MAMLD1: variants seen among roughly 807,000 people sequenced by gnomAD.
MAMLD1 encodes mastermind like domain containing 1.
Under a neutral mutation model 45.0 loss-of-function variants are expected in MAMLD1, and 14 were observed. The ratio of observed to expected loss-of-function variants is 0.31; its 90% CI spans 0.21 to 0.49. The LOEUF is 0.49. MAMLD1 is among the 20% of genes least tolerant of loss of function. The pLI is 0.99. For synonymous variants in MAMLD1, 254 were observed against 247.8 expected, an observed-to-expected ratio of 1.02 and a Z score of -0.24; for missense variants, 543 against 603.6, an observed-to-expected ratio of 0.90 and a Z score of 1.05.
At chrX:150,494,946 C>G (rs989398262) in intron 5 of MAMLD1, among the ~76,000 whole-genome samples, 1 of 110,848 alleles carries the variant, frequency 9.0e-6, no homozygotes, top group Non-Finnish European at 1.9e-5. Flanking sequence ...TGGCTCACAC[C>G]TGTAATCCCA....
chrX:150,398,243 GAGGAGA>G (rs1569564541), intron 1 of MAMLD1, among the ~76,000 whole-genome samples: 2 of 78,471 alleles, frequency 2.5e-5, no homozygotes, highest in Admixed American at 1.5e-4. Flanking sequence ...GAAGGAGAAG[GAGGAGA>G]AGGAGAAGAA....
At chrX:150,450,805 G>A (rs1201214156) in intron 2 of MAMLD1, among the ~76,000 whole-genome samples, 1 of 112,287 alleles carries the variant, frequency 8.9e-6, no homozygotes, top group Non-Finnish European at 1.9e-5. Context: ...CTACACTGAG[G>A]AGACCTGAAT....
At chrX:150,503,647 T>C (rs1276626566) in intron 6 of MAMLD1, 130 bp downstream of exon 6, 5 of 501,617 alleles carry the variant, frequency 1.0e-5, no homozygotes, top group African/African-American at 4.6e-5. Context: ...AAGGTAAAGC[T>C]CTGTCCACCC....
intron 1 of MAMLD1, among the ~76,000 whole-genome samples, chrX:150,430,427 A>G (rs782123990): frequency 8.3e-5 from 9 of 108,979 alleles, no homozygotes; most frequent in Non-Finnish European, 1.5e-4. Flanking sequence ...CATTCTATTC[A>G]CAGGGTCTTT....
intron 1 of MAMLD1, 76 bp from the exon 2 acceptor site, chrX:150,445,378 G>A (rs891682476): frequency 2.2e-5 from 11 of 509,986 alleles, no homozygotes; most frequent in Non-Finnish European, 3.9e-5. Flanking sequence ...TGTCTTCAGA[G>A]TGAAAGTCTG....
chrX:150,511,293 G>T (rs909002174), intron 7 of MAMLD1, among the ~76,000 whole-genome samples: 16 of 111,531 alleles, frequency 1.4e-4, no homozygotes, highest in African/African-American at 5.2e-4. Flanking sequence ...AGGCACCTGG[G>T]ACTCTACCTT....
chrX:150,486,616 C>T (rs35516566), intron 5 of MAMLD1, among the ~76,000 whole-genome samples: 1 of 111,418 alleles, frequency 9.0e-6, no homozygotes, highest in African/African-American at 3.3e-5. Context: ...GCATACACCT[C>T]CCAAAATGCC....
chrX:150,506,931 C>T (rs781930980), intron 6 of MAMLD1, among the ~76,000 whole-genome samples: 18 of 112,560 alleles, frequency 1.6e-4, no homozygotes, highest in Admixed American at 1.6e-3. Context: ...CCAGGACTTC[C>T]AAGGTTGCCA....
At chrX:150,386,666 G>A (rs782803741) in intron 1 of MAMLD1, among the ~76,000 whole-genome samples, 60 of 111,667 alleles carry the variant, frequency 5.4e-4, no homozygotes, top group African/African-American at 1.9e-3. Flanking sequence ...TCAAGGCTCA[G>A]GGGTTAGCAC....
At chrX:150,442,132 A>T (rs1297183357) in intron 1 of MAMLD1, among the ~76,000 whole-genome samples, 1 of 108,145 alleles carries the variant, frequency 9.2e-6, no homozygotes, top group Non-Finnish European at 1.9e-5. Flanking sequence ...TAATATTTGC[A>T]TGGTGTATCT....
intron 1 of MAMLD1, among the ~76,000 whole-genome samples, chrX:150,388,921 T>C (rs782592701): frequency 8.9e-6 from 1 of 112,566 alleles, no homozygotes; most frequent in Non-Finnish European, 1.9e-5. Context: ...TTAGCTTACA[T>C]ATTAATTTGA....
chrX:150,508,980 G>A (rs1437386523), intron 6 of MAMLD1, among the ~76,000 whole-genome samples: 1 of 111,633 alleles, frequency 9.0e-6, no homozygotes, highest in East Asian at 2.8e-4. Flanking sequence ...GAGGGTCTCA[G>A]AGCAAGTCAT....
chrX:150,512,309 C>G lies in MAMLD1; in HGVS notation c.*350C>G, dbSNP rs2148371810. 8.9e-7 allele frequency: 1 copy of G among 1,128,879 alleles called. No homozygotes were observed. Among genetic ancestry groups the G allele is most frequent in the Non-Finnish European group, 1.2e-6 (1 of 856,918 alleles). The allele number at this position is 1,128,879 out of a possible 1,213,427, so 93.0% of individuals were successfully genotyped here. A position where few individuals can be genotyped will look rare whatever the true frequency, so the allele number is the denominator to read the frequency against. On this transcript the variant is annotated 3_prime_UTR_variant, in exon 8 of 8. Transcript: ENST00000370401. ...TCCCAAGGCCACCCCACCAGAAGTG[C>G]CCCTGCCTGGGTTCTGTCCCAGCTC...
At chrX:150,433,130 C>T (rs1395812214) in intron 1 of MAMLD1, among the ~76,000 whole-genome samples, 3 of 111,201 alleles carry the variant, frequency 2.7e-5, no homozygotes, top group African/African-American at 9.8e-5. Context: ...TCTTTCACCT[C>T]CTTGGTTAGC....
chrX:150,398,334 AGAAGAAGAGGAAGAG>A (rs1569564625), intron 1 of MAMLD1, among the ~76,000 whole-genome samples: 115 of 74,296 alleles, frequency 1.5e-3, no homozygotes, highest in African/African-American at 4.2e-3. Context: ...AAGAAGAAGA[AGAAGAAGAGGAAGAG>A]GAAGAGGAAG....
Position 150,473,765 on chromosome X carries a change from A to C in MAMLD1, c.2003A>C (p.Gln668Pro). Residue 668 changes from glutamine to proline, a missense_variant, in exon 5 of 8, where the codon CAA becomes CCA. By Grantham distance (76) the Gln-to-Pro change is moderately conservative. Transcript: ENST00000370401. ...HQHGNSFTSR[Q>P]DPQPGDVSPS... The stretch of plus-strand genomic sequence containing the variant: ...CACGGGAACTCTTTCACTAGCAGGC[A>C]AGATCCTCAGCCTGGAGACGTGTCA... The C allele has an allele frequency of 8.3e-7, 1 of 1,209,006 alleles. No homozygotes were observed. The highest frequency in any genetic ancestry group is 1.1e-6 in the Non-Finnish European group (1 of 892,770).
chrX:150,468,607 C>T (rs1046163209), intron 3 of MAMLD1, among the ~76,000 whole-genome samples: 12 of 110,992 alleles, frequency 1.1e-4, no homozygotes, highest in African/African-American at 2.3e-4. Flanking sequence ...AACACAACAG[C>T]GATGGATGAC....
At chrX:150,432,717 AT>A (rs2034994031) in intron 1 of MAMLD1, among the ~76,000 whole-genome samples, 1 of 111,727 alleles carries the variant, frequency 9.0e-6, no homozygotes, top group Admixed American at 9.5e-5. Flanking sequence ...TGAAGATCAG[AT>A]GGTTGTAAGT....
chrX:150,420,813 G>T (rs2034470686), intron 1 of MAMLD1, among the ~76,000 whole-genome samples: 1 of 112,228 alleles, frequency 8.9e-6, no homozygotes, highest in Non-Finnish European at 1.9e-5. Context: ...CTCCAGCTGT[G>T]TGCTGGGAGA....
Sources: gnomAD v4.1 joint callset for allele counts (sites outside exome capture counted in the v4.1 genomes callset) on GRCh38, gnomAD v4.1.1 for gene constraint, MANE v1.5 for transcripts, NCBI Gene and HGNC (gene_info 2026-07-23, HGNC 2026-07-21) for gene names.